The following ANKMY1 variants were observed in gnomAD, a reference collection of about 807,000 sequenced individuals.
ANKMY1 encodes the protein ankyrin repeat and MYND domain-containing protein 1.
In ANKMY1, 98 loss-of-function variants were observed where a neutral mutation model predicts 102.0. The observed-to-expected ratio is 0.96, with a 90% CI of 0.82 to 1.14. The LOEUF (loss-of-function observed/expected upper bound fraction) is 1.14, where lower values mean the gene tolerates loss of function less well. Among genes scored for constraint, ANKMY1 ranks in the 50% most tolerant of loss-of-function variants. ANKMY1 has a pLI of 0.00. For synonymous variants in ANKMY1, 582 were observed against 559.9 expected (o/e 1.04, Z -0.56); for missense variants, 1,330 against 1,347.6 (o/e 0.99, Z 0.20).
At chr2:240,537,740 C>T (rs1476667552) in intron 4 of ANKMY1, among the ~76,000 whole-genome samples, 2 of 152,230 alleles carry the variant, frequency 1.3e-5, no homozygotes, top group Admixed American at 6.5e-5. Flanking sequence ...GCCTCCTTAC[C>T]TGTTTCAGTT....
intron 4 of ANKMY1, among the ~76,000 whole-genome samples, chr2:240,544,816 C>T (rs1303501078): frequency 2.0e-4 from 30 of 152,306 alleles, no homozygotes; most frequent in Non-Finnish European, 3.2e-4. Flanking sequence ...TAAAAAACGG[C>T]GCACCAGGAG....
intron 4 of ANKMY1, among the ~76,000 whole-genome samples, chr2:240,538,552 C>T (rs992256489): frequency 6.6e-6 from 1 of 152,172 alleles, no homozygotes; most frequent in Non-Finnish European, 1.5e-5. Flanking sequence ...GTGCCATGCC[C>T]GAGCGCCCCC....
chr2:240,519,894 T>A lies in ANKMY1; in HGVS notation c.2004+468A>T, dbSNP rs1269932838. On this transcript the variant is annotated intron_variant, in intron 9 of 17. Coordinates refer to ENST00000401804, the MANE Select transcript of ANKMY1 (RefSeq NM_001282771.3). ...ACTTCTTAAGAAAAAAAATATAAAA[T>A]CAGATTCCCCTTCGAAGATTTTTTC... 7.9e-5 allele frequency: 20 copies of A among 254,324 alleles called. No homozygotes were observed. In the East Asian group the frequency reaches 2.3e-3, roughly 29 times the overall value. 15.8% of individuals were successfully genotyped at this position (254,324 alleles called of 1,614,324 possible).
intron 15 of ANKMY1, among the ~76,000 whole-genome samples, chr2:240,498,380 G>A (rs2077561036): frequency 6.6e-6 from 1 of 151,800 alleles, no homozygotes; most frequent in Non-Finnish European, 1.5e-5. Flanking sequence ...TATGTGTGTG[G>A]AGATGTATGC....
In ANKMY1 at chr2:240,551,258, C is replaced by A. The variant is rs1005411725; in HGVS notation, c.480+1656G>T. ...AACCTTGAAATATACTTTAAGTGTA[C>A]TGAGTAGAGTATACATTTGTAAACA... On this transcript the variant is annotated intron_variant, in intron 4 of 17. Coordinates refer to ENST00000401804, the MANE Select transcript of ANKMY1 (RefSeq NM_001282771.3). Among the ~76,000 whole-genome samples, 7 of 151,380 alleles carry A rather than the reference C, an allele frequency of 4.6e-5. No homozygotes were observed. The East Asian group carries it at 1.4e-3, about 29-fold the overall frequency.
chr2:240,487,115 T>G (rs1201012036), intron 15 of ANKMY1, among the ~76,000 whole-genome samples: 1 of 152,204 alleles, frequency 6.6e-6, no homozygotes, highest in Non-Finnish European at 1.5e-5. Flanking sequence ...ACCTCTTCTC[T>G]TCATCCTACC....
chr2:240,541,989 C>T lies in ANKMY1; in HGVS notation c.480+10925G>A, dbSNP rs566532996. Among the ~76,000 whole-genome samples, 31 of 151,552 alleles carry T rather than the reference C, an allele frequency of 2.0e-4. No homozygotes were observed. In the East Asian group the frequency reaches 5.1e-3, roughly 25 times the overall value. On this transcript the variant is annotated intron_variant, in intron 4 of 17. Coordinates refer to ENST00000401804, the MANE Select transcript of ANKMY1 (RefSeq NM_001282771.3). ...CCTTGAGAGGCCAAGGTGGGCAGAT[C>T]ACCTGAGGTCAGGAGTTTGAGACCA...
intron 15 of ANKMY1, among the ~76,000 whole-genome samples, chr2:240,489,440 GA>G (rs2076398632): frequency 6.7e-6 from 1 of 149,042 alleles, no homozygotes; most frequent in East Asian, 2.0e-4. Flanking sequence ...CTGGGCAACA[GA>G]GCAAGACTCT....
intron 8 of ANKMY1, chr2:240,523,462 T>G: frequency 5.2e-6 from 1 of 190,590 alleles, no homozygotes; most frequent in Non-Finnish European, 1.1e-5. Flanking sequence ...ATAGACCACA[T>G]TTTGAGACAC....
chr2:240,558,992 C>T (rs1416735876), upstream of ANKMY1, among the ~76,000 whole-genome samples: 1 of 152,190 alleles, frequency 6.6e-6, no homozygotes, highest in Non-Finnish European at 1.5e-5. Flanking sequence ...GAATTGATTT[C>T]ACAACCCACA....
At chr2:240,550,622 A>G (rs922214601) in intron 4 of ANKMY1, among the ~76,000 whole-genome samples, 1 of 152,196 alleles carries the variant, frequency 6.6e-6, no homozygotes, top group Non-Finnish European at 1.5e-5. Context: ...AAGACATATT[A>G]GGCTTATTTG....
upstream of ANKMY1, chr2:240,560,470 C>T (rs993895290): frequency 4.4e-6 from 3 of 682,340 alleles, no homozygotes; most frequent in South Asian, 1.3e-4. Context: ...AGGCCCAAAC[C>T]TCCCGCCATG....
chr2:240,523,751 T>C, intron 8 of ANKMY1, 134 bp downstream of exon 8: 1 of 1,369,766 alleles, frequency 7.3e-7, no homozygotes, highest in South Asian at 1.5e-5. Flanking sequence ...GACACAGGGA[T>C]GCTCACACAT....
chr2:240,474,769 T>C (rs2074746353), downstream of ANKMY1, among the ~76,000 whole-genome samples: 1 of 152,266 alleles, frequency 6.6e-6, no homozygotes, highest in Non-Finnish European at 1.5e-5. Context: ...TTTTTATGGC[T>C]GCATAGTACT....
At chr2:240,518,804 G>T (rs1046705803) in intron 9 of ANKMY1, among the ~76,000 whole-genome samples, 4 of 152,136 alleles carry the variant, frequency 2.6e-5, no homozygotes, top group Non-Finnish European at 5.9e-5. Flanking sequence ...AACCTAAAAA[G>T]GTATGAAATT....
chr2:240,514,618 G>A (rs567782751), intron 9 of ANKMY1, among the ~76,000 whole-genome samples: 8 of 152,336 alleles, frequency 5.3e-5, no homozygotes, highest in Admixed American at 6.5e-5. Context: ...TTCCCACCAC[G>A]GATCCTCTCC....
chr2:240,487,136 A>T (rs2076146544), intron 15 of ANKMY1, among the ~76,000 whole-genome samples: 1 of 151,512 alleles, frequency 6.6e-6, no homozygotes, highest in South Asian at 2.1e-4. Flanking sequence ...CACTTTCTCT[A>T]CTCACCCTTC....
chr2:240,477,335 A>G (rs1285633107), downstream of ANKMY1, among the ~76,000 whole-genome samples: 1 of 152,230 alleles, frequency 6.6e-6, no homozygotes, highest in African/African-American at 2.4e-5. Context: ...TAATAAAAAT[A>G]AAGAATATGT....
upstream of ANKMY1, chr2:240,560,429 C>G (rs1183579804): frequency 2.5e-6 from 1 of 394,432 alleles, no homozygotes; most frequent in African/African-American, 2.1e-5. Context: ...ACATGGGACG[C>G]AGAGCGGTCC....
Sources: allele counts gnomAD v4.1 joint callset (sites outside exome capture counted in the v4.1 genomes callset), GRCh38; gene constraint gnomAD v4.1.1; transcripts MANE v1.5; gene names NCBI Gene and HGNC (gene_info 2026-07-23, HGNC 2026-07-21).